Variants in CCDC148 observed in about 807,000 individuals in gnomAD.
The protein encoded by CCDC148 is coiled-coil domain containing 148.
In CCDC148, 89 loss-of-function variants were observed where a neutral mutation model predicts 85.7. That is an observed-to-expected ratio of 1.04 (90% CI 0.87 to 1.24). CCDC148 has a LOEUF of 1.24. Ranked by LOEUF, CCDC148 falls within the 50% of genes most tolerant of loss-of-function variation. CCDC148 has a pLI of 0.00. For missense variants in CCDC148, 692 were observed against 671.7 expected, an observed-to-expected ratio of 1.03 and a Z score of -0.33; for synonymous variants, 230 against 213.9, an observed-to-expected ratio of 1.08 and a Z score of -0.66.
intron 9 of CCDC148, among the ~76,000 whole-genome samples, chr2:158,301,216 G>A (rs1691426521): frequency 6.6e-6 from 1 of 152,134 alleles, no homozygotes; most frequent in Non-Finnish European, 1.5e-5. Flanking sequence ...GTTTCTCAAG[G>A]GCAGAATGTG....
chr2:158,435,685 T>C (rs564968488), intron 1 of CCDC148, among the ~76,000 whole-genome samples: 39 of 152,072 alleles, frequency 2.6e-4, no homozygotes, highest in African/African-American at 9.2e-4. Flanking sequence ...GACTGGCAAA[T>C]TGGATAAAGA....
intron 10 of CCDC148, among the ~76,000 whole-genome samples, chr2:158,233,614 A>G (rs1687958779): frequency 1.3e-5 from 2 of 151,984 alleles, no homozygotes; most frequent in Non-Finnish European, 2.9e-5. Flanking sequence ...ATATGAATCC[A>G]AAAACATCTG....
At chr2:158,185,877 C>T (rs549558606) in intron 11 of CCDC148, among the ~76,000 whole-genome samples, 2 of 151,886 alleles carry the variant, frequency 1.3e-5, no homozygotes, top group Non-Finnish European at 2.9e-5. Context: ...AAATAATAAA[C>T]GGACAAAAAC....
At chr2:158,329,067 T>C (rs1692949660) in intron 7 of CCDC148, among the ~76,000 whole-genome samples, 1 of 152,208 alleles carries the variant, frequency 6.6e-6, no homozygotes. Context: ...GCTTTTGGTG[T>C]TTTGGACATG....
At chr2:158,266,259 G>C (rs1329769047) in intron 9 of CCDC148, among the ~76,000 whole-genome samples, 1 of 152,002 alleles carries the variant, frequency 6.6e-6, no homozygotes, top group Non-Finnish European at 1.5e-5. Context: ...GTGGTGGTTG[G>C]GACTACACCC....
At chr2:158,247,951 T>G (rs1417402727) in intron 10 of CCDC148, among the ~76,000 whole-genome samples, 1 of 152,146 alleles carries the variant, frequency 6.6e-6, no homozygotes, top group Non-Finnish European at 1.5e-5. Context: ...GTGCAGAACA[T>G]GCAGGTTTGT....
intron 9 of CCDC148, among the ~76,000 whole-genome samples, chr2:158,304,535 T>C (rs1691592604): frequency 6.6e-6 from 1 of 152,140 alleles, no homozygotes; most frequent in Admixed American, 6.5e-5. Flanking sequence ...GGCAGAAAAA[T>C]CTTGGGCAGA....
chr2:158,258,473 G>C (rs1264998161), intron 9 of CCDC148, among the ~76,000 whole-genome samples: 1 of 151,776 alleles, frequency 6.6e-6, no homozygotes, highest in Non-Finnish European at 1.5e-5. Flanking sequence ...ACCTATTAAA[G>C]GTGTCCCTGG....
At chr2:158,266,835 T>C (rs1689475307) in intron 9 of CCDC148, among the ~76,000 whole-genome samples, 1 of 150,732 alleles carries the variant, frequency 6.6e-6, no homozygotes, top group South Asian at 2.1e-4. Flanking sequence ...AGTATTCCAG[T>C]ACATATATGT....
intron 9 of CCDC148, among the ~76,000 whole-genome samples, chr2:158,307,031 AAAT>A (rs1038157014): frequency 1.3e-5 from 2 of 151,570 alleles, no homozygotes; most frequent in Non-Finnish European, 2.9e-5. Context: ...AAAAAAAAAA[AAAT>A]AGTTATTTTA....
chr2:158,358,425 A>G lies in CCDC148; in HGVS notation c.147+24T>C, dbSNP rs757424432. The G allele has an allele frequency of 1.9e-6, 3 of 1,585,398 alleles. No individual in the cohort carries two copies. The South Asian group carries it at 3.5e-5, about 19-fold the overall frequency. The stretch of plus-strand genomic sequence containing the variant: ...AATTCGATTTTCTAAAACTAGAAAA[A>G]CACATACACACACAACTTCTAACCT... On this transcript the variant is annotated intron_variant, in intron 2 of 13. Transcript: ENST00000283233.
At chr2:158,230,901 C>T (rs1687824672) in intron 10 of CCDC148, among the ~76,000 whole-genome samples, 1 of 152,046 alleles carries the variant, frequency 6.6e-6, no homozygotes, top group Non-Finnish European at 1.5e-5. Flanking sequence ...TAATCAAGGA[C>T]AATTCCTAGG....
At chr2:158,416,040 T>C (rs2105318731) in intron 1 of CCDC148, among the ~76,000 whole-genome samples, 1 of 152,342 alleles carries the variant, frequency 6.6e-6, no homozygotes, top group African/African-American at 2.4e-5. Context: ...TCAGCTCTTG[T>C]CTTCTGGGCA....
chr2:158,446,960 A>G (rs990259841), intron 1 of CCDC148, among the ~76,000 whole-genome samples: 7 of 152,136 alleles, frequency 4.6e-5, no homozygotes, highest in African/African-American at 1.7e-4. Context: ...ATTTTTAGAG[A>G]TGAATAGTAT....
At chr2:158,225,465 T>TAGAC (rs1368036526) in intron 10 of CCDC148, among the ~76,000 whole-genome samples, 1 of 152,080 alleles carries the variant, frequency 6.6e-6, no homozygotes, top group Non-Finnish European at 1.5e-5. Context: ...CTAATAGACA[T>TAGAC]CTACAGAACT....
chr2:158,368,574 T>C (rs1394169643), intron 1 of CCDC148, among the ~76,000 whole-genome samples: 2 of 152,166 alleles, frequency 1.3e-5, no homozygotes, highest in Non-Finnish European at 2.9e-5. Flanking sequence ...TGCTCATGAA[T>C]GTTATCAAAA....
At chr2:158,295,870 G>A (rs1278664454) in intron 9 of CCDC148, among the ~76,000 whole-genome samples, 3 of 151,820 alleles carry the variant, frequency 2.0e-5, no homozygotes, top group African/African-American at 7.3e-5. Context: ...GGAAGTTCTG[G>A]CCAGGGCAAT....
intron 10 of CCDC148, among the ~76,000 whole-genome samples, chr2:158,238,099 T>C (rs771829390): frequency 6.6e-6 from 1 of 152,032 alleles, no homozygotes; most frequent in African/African-American, 2.4e-5. Context: ...CTGGAGACAC[T>C]GTGTATAGGC....
intron 9 of CCDC148, among the ~76,000 whole-genome samples, chr2:158,257,969 A>G (rs1390420522): frequency 6.6e-6 from 1 of 151,884 alleles, no homozygotes; most frequent in African/African-American, 2.4e-5. Context: ...AAGGGTAAGA[A>G]ATTCACTTGC....
Sources: gnomAD v4.1 joint callset for allele counts (sites outside exome capture counted in the v4.1 genomes callset) on GRCh38, gnomAD v4.1.1 for gene constraint, MANE v1.5 for transcripts, NCBI Gene and HGNC (gene_info 2026-07-23, HGNC 2026-07-21) for gene names.